Variants in LYZL4 observed in about 807,000 individuals in gnomAD.
LYZL4 encodes the protein lysozyme-like protein 4.
A neutral mutation model predicts 17.6 loss-of-function variants in LYZL4; 13 were observed. The observed-to-expected ratio is 0.74, with a 90% CI of 0.48 to 1.18. The LOEUF (loss-of-function observed/expected upper bound fraction) is 1.18. Among genes scored for constraint, LYZL4 ranks in the 50% most tolerant of loss-of-function variants. LYZL4 has a pLI of 0.00. For synonymous variants in LYZL4, 64 were observed against 67.7 expected (o/e 0.95, Z 0.27); for missense variants, 174 against 188.2 (o/e 0.92, Z 0.44).
At chr3:42,371,356 C>T in the LYZL4 span, among the ~76,000 whole-genome samples, 4 of 152,210 alleles carry the variant, frequency 2.6e-5, no homozygotes, top group Admixed American at 2.0e-4. Flanking sequence ...ATCAAGGGTC[C>T]TGTGTTGTCT....
the LYZL4 span, among the ~76,000 whole-genome samples, chr3:42,366,000 T>C: frequency 2.6e-5 from 4 of 152,166 alleles, no homozygotes; most frequent in Non-Finnish European, 5.9e-5. Flanking sequence ...GATTTTACTC[T>C]ATTGAATTAA....
the LYZL4 span, among the ~76,000 whole-genome samples, chr3:42,365,216 T>A: frequency 5.3e-5 from 8 of 152,314 alleles, no homozygotes; most frequent in Non-Finnish European, 1.0e-4. Context: ...TTAATAAAAA[T>A]TTATCTAAAT....
At chr3:42,364,509 AT>A in the LYZL4 span, among the ~76,000 whole-genome samples, 2 of 150,276 alleles carry the variant, frequency 1.3e-5, no homozygotes, top group Non-Finnish European at 3.0e-5. Context: ...CGCCCAGCTA[AT>A]TTTTTTGTAT....
downstream of LYZL4, among the ~76,000 whole-genome samples, chr3:42,396,822 G>A (rs555599604): frequency 5.3e-5 from 8 of 152,182 alleles, no homozygotes; most frequent in East Asian, 1.4e-3. Flanking sequence ...TCCCTTCCCC[G>A]TGTGTCCCAG....
At chr3:42,371,238 G>A in the LYZL4 span, among the ~76,000 whole-genome samples, 1 of 152,190 alleles carries the variant, frequency 6.6e-6, no homozygotes, top group Non-Finnish European at 1.5e-5. Context: ...CTTACTAGAG[G>A]AGAATTTATG....
intron 4 of LYZL4, among the ~76,000 whole-genome samples, chr3:42,399,928 T>C (rs1698625533): frequency 7.0e-6 from 1 of 143,872 alleles, no homozygotes; most frequent in South Asian, 2.1e-4. Flanking sequence ...GTTTTTGCCA[T>C]TAAGAGTAAT....
At chr3:42,375,893 A>G in the LYZL4 span, among the ~76,000 whole-genome samples, 43 of 152,292 alleles carry the variant, frequency 2.8e-4, no homozygotes, top group South Asian at 8.7e-3. Flanking sequence ...TCAATTGGGA[A>G]ATATACTAGT....
At chr3:42,379,631 T>C in the LYZL4 span, among the ~76,000 whole-genome samples, 1 of 152,154 alleles carries the variant, frequency 6.6e-6, no homozygotes, top group Admixed American at 6.5e-5. Flanking sequence ...GGGAGTTATG[T>C]CTCTCCTCTC....
At chr3:42,396,018 C>T (rs1254927340), downstream of LYZL4, among the ~76,000 whole-genome samples, 2 of 151,908 alleles carry the variant, frequency 1.3e-5, no homozygotes, top group African/African-American at 2.4e-5. Context: ...GCCGAGATCG[C>T]GCCATTGCAC....
At chr3:42,362,418 T>C in the LYZL4 span, among the ~76,000 whole-genome samples, 7 of 152,242 alleles carry the variant, frequency 4.6e-5, no homozygotes, top group Non-Finnish European at 1.0e-4. Context: ...ACTGAACTGC[T>C]ATAACAAGGT....
the LYZL4 span, among the ~76,000 whole-genome samples, chr3:42,364,501 C>T: frequency 1.3e-5 from 2 of 151,994 alleles, no homozygotes; most frequent in African/African-American, 2.4e-5. Flanking sequence ...CGCCACCTCG[C>T]CCAGCTAATT....
At chr3:42,363,151 G>GA in the LYZL4 span, among the ~76,000 whole-genome samples, 2 of 151,278 alleles carry the variant, frequency 1.3e-5, no homozygotes, top group African/African-American at 4.9e-5. Context: ...AATTCCATGG[G>GA]AAAAAAAAGT....
At chr3:42,395,751 G>T (rs1295797289), downstream of LYZL4, among the ~76,000 whole-genome samples, 5 of 152,126 alleles carry the variant, frequency 3.3e-5, no homozygotes, top group Admixed American at 3.3e-4. Flanking sequence ...TCTTTGTAAT[G>T]GTTTTTAAAA....
At position 42,407,172 on chromosome 3, in the gene LYZL4, A is replaced by G; in HGVS notation, c.80T>C (p.Val27Ala). ...SGAYILGRCT[V>A]AKKLHDGGLD... is the part of the protein sequence containing the mutation. ...GCCTCCATCGTGGAGTTTCTTAGCC[A>G]CTGTGCAACGCCCCAAGATGTAAGC... Residue 27 changes from valine (V) to alanine (A), a missense_variant, in exon 2 of 5, where the codon GTG (valine) becomes GCG (alanine). Physicochemically the swap from Val to Ala is moderately conservative, Grantham distance 64. Transcript: ENST00000287748. 1 of 1,614,208 alleles carries G rather than the reference A, an allele frequency of 6.2e-7. No individual in the cohort carries two copies. The highest frequency in any genetic ancestry group is 8.5e-7 in the Non-Finnish European group (1 of 1,180,028).
At chr3:42,400,574 T>A (rs1177808022) in intron 4 of LYZL4, among the ~76,000 whole-genome samples, 1 of 152,254 alleles carries the variant, frequency 6.6e-6, no homozygotes, top group East Asian at 1.9e-4. Context: ...TATTGTAAGA[T>A]ATCTTCTATT....
rs943441602 is a variant in LYZL4, at chr3:42,410,567, A to G, written c.-243T>C. Reference sequence around the variant, plus strand: ...TTTTTCAGATGCTACTTCATTAATCATCCACTTGTCTGCACCCAAGAGTTC... The same window carrying G: ...TTTTTCAGATGCTACTTCATTAATCGTCCACTTGTCTGCACCCAAGAGTTC... On this transcript the variant is annotated 5_prime_UTR_variant, in exon 1 of 5. It removes an upstream start codon present in the reference 5' UTR. Coordinates refer to ENST00000287748, the MANE Select transcript of LYZL4 (RefSeq NM_144634.4). The G allele has an allele frequency of 1.3e-5, 2 of 152,270 alleles. No homozygotes were observed. Among genetic ancestry groups the G allele is most frequent in the East Asian group, 3.9e-4 (2 of 5,186 alleles). 9.4% of individuals were successfully genotyped at this position (152,270 alleles called of 1,614,324 possible). A position where few individuals can be genotyped will look rare whatever the true frequency, so the allele number is the denominator to read the frequency against.
At chr3:42,400,066 G>C (rs1052548503) in intron 4 of LYZL4, among the ~76,000 whole-genome samples, 1 of 151,954 alleles carries the variant, frequency 6.6e-6, no homozygotes, top group Non-Finnish European at 1.5e-5. Flanking sequence ...CAACAAAAAG[G>C]CTCAGCCTCT....
chr3:42,406,582 C>T (rs2125603076), intron 3 of LYZL4, among the ~76,000 whole-genome samples: 2 of 152,186 alleles, frequency 1.3e-5, no homozygotes, highest in South Asian at 4.2e-4. Flanking sequence ...AGCCTCCTCT[C>T]AACTCCCCAA....
the LYZL4 span, among the ~76,000 whole-genome samples, chr3:42,362,360 C>T: frequency 6.6e-6 from 1 of 152,118 alleles, no homozygotes; most frequent in African/African-American, 2.4e-5. Context: ...TCTGACAATC[C>T]CCAGTGTAAT....
Sources: gnomAD v4.1 joint callset for allele counts (sites outside exome capture counted in the v4.1 genomes callset) on GRCh38, gnomAD v4.1.1 for gene constraint, MANE v1.5 for transcripts, NCBI Gene and HGNC (gene_info 2026-07-23, HGNC 2026-07-21) for gene names.